DLC1: variants seen among roughly 807,000 people sequenced by gnomAD.
DLC1 encodes DLC1 Rho GTPase activating protein, also known as rho GTPase-activating protein 7.
In DLC1, 54 loss-of-function variants were observed where a neutral mutation model predicts 140.3. The observed-to-expected ratio is 0.38, with a 90% CI of 0.31 to 0.48. The LOEUF is 0.48. DLC1 is among the 20% of genes least tolerant of loss of function. The pLI is 0.96. For missense variants in DLC1, 2,536 were observed against 1,907.0 expected, an observed-to-expected ratio of 1.33 and a Z score of -6.14; for synonymous variants, 986 against 728.1, an observed-to-expected ratio of 1.35 and a Z score of -5.70.
At chr8:13,231,562 G>T (rs1376296236) in intron 5 of DLC1, among the ~76,000 whole-genome samples, 1 of 152,188 alleles carries the variant, frequency 6.6e-6, no homozygotes, top group African/African-American at 2.4e-5. Flanking sequence ...GACAAGCAAA[G>T]AGTTGAACTT....
rs180863944 is a variant in DLC1, at chr8:13,276,084, C to T, written c.1348+29185G>A. 2.2e-3 allele frequency among the ~76,000 whole-genome samples: 338 copies of T among 152,354 alleles called. 3 individuals are homozygous for T. Among genetic ancestry groups the T allele is most frequent in the African/African-American group, 7.6e-3 (314 of 41,582 alleles). ...AAACAAACACACAAAAATCTCAACA[C>T]TCCATCAAGGTTAAATACTAGAGAA... On this transcript the variant is annotated intron_variant, in intron 5 of 17. Coordinates refer to ENST00000276297, the MANE Select transcript of DLC1 (RefSeq NM_182643.3).
chr8:13,497,695 A>G (rs1402292955), intron 2 of DLC1, among the ~76,000 whole-genome samples: 2 of 152,168 alleles, frequency 1.3e-5, no homozygotes, highest in Non-Finnish European at 2.9e-5. Flanking sequence ...GTCAGTTAAT[A>G]CTGTCTTATG....
chr8:13,319,043 G>A (rs1052046344), intron 4 of DLC1, among the ~76,000 whole-genome samples: 2 of 152,182 alleles, frequency 1.3e-5, no homozygotes, highest in African/African-American at 4.8e-5. Flanking sequence ...GCTGGCTTTT[G>A]CAGACCTGGA....
intron 5 of DLC1, among the ~76,000 whole-genome samples, chr8:13,119,980 A>T (rs1441483894): frequency 1.3e-5 from 1 of 74,532 alleles, no homozygotes; most frequent in Non-Finnish European, 4.5e-5. Flanking sequence ...TGCCATAGTG[A>T]GAGAAGGAAC....
At chr8:13,601,223 C>G (rs1261320441) in intron 1 of DLC1, among the ~76,000 whole-genome samples, 1 of 151,762 alleles carries the variant, frequency 6.6e-6, no homozygotes, top group Non-Finnish European at 1.5e-5. Flanking sequence ...GTTAGCTTTT[C>G]TCTAGGTCTT....
chr8:13,529,219 C>A (rs1803018233), intron 1 of DLC1, among the ~76,000 whole-genome samples: 1 of 152,022 alleles, frequency 6.6e-6, no homozygotes, highest in African/African-American at 2.4e-5. Flanking sequence ...AAAAACAGAA[C>A]AATTAAATAC....
intron 5 of DLC1, chr8:13,132,991 A>C: frequency 2.5e-6 from 4 of 1,609,732 alleles, no homozygotes; most frequent in Non-Finnish European, 3.4e-6. Context: ...CAAGCACGGC[A>C]GGCGGCGGCG....
intron 5 of DLC1, chr8:13,214,793 G>A: frequency 1.3e-6 from 1 of 779,114 alleles, no homozygotes; most frequent in South Asian, 1.3e-5. Context: ...TTCCAGGGGA[G>A]GTAAAAAGGA....
chr8:13,098,460 G>C lies in DLC1; in HGVS notation c.3106C>G (p.Leu1036Val), dbSNP rs1818696588. 2.5e-6 allele frequency: 4 copies of C among 1,614,098 alleles called. No individual in the cohort carries two copies. The highest frequency in any genetic ancestry group is 3.4e-6 in the Non-Finnish European group (4 of 1,180,040). The change falls in exon 10 of 18, where the codon CTC (leucine) becomes GTC (valine). Residue 1036 changes from leucine (L) to valine (V), a missense_variant. Leu to Val is a conservative substitution (Grantham distance 32, BLOSUM62 1). Transcript: ENST00000276297. ...TCCAGCAGGGCCGTTAGCTTTAGGA[G>C]TGAGTATTTCTGCAGCAGGTTCATC... ...AQMNLLQKYSLLKLTALLEKY... is the reference protein window; with the variant it reads ...AQMNLLQKYSVLKLTALLEKY...
In DLC1 at chr8:13,499,655, A is replaced by T; in HGVS notation, c.417T>A (p.His139Gln). 2 of 1,614,110 alleles carry T rather than the reference A, an allele frequency of 1.2e-6. No individual in the cohort carries two copies. Among genetic ancestry groups the T allele is most frequent in the Non-Finnish European group, 1.7e-6 (2 of 1,179,992 alleles). Residue 139 changes from histidine (H) to glutamine (Q), a missense_variant, in exon 2 of 18, where the codon CAT becomes CAA. Physicochemically the swap from His to Gln is conservative, Grantham distance 24 (BLOSUM62 0). Transcript: ENST00000276297. ...CTAAGGAGCCTGCTCCTTGGATCATATGTTGGCCTGATGTTTTCTGCCCTT... is the reference window on the plus strand; with the variant it reads ...CTAAGGAGCCTGCTCCTTGGATCATTTGTTGGCCTGATGTTTTCTGCCCTT... ...NTQGQKTSGQHMIQGAGSLEK... is the reference protein window; with the variant it reads ...NTQGQKTSGQQMIQGAGSLEK...
intron 1 of DLC1, among the ~76,000 whole-genome samples, chr8:13,553,202 T>TAATATA: frequency 1.2e-5 from 1 of 86,828 alleles, no homozygotes; most frequent in Non-Finnish European, 2.2e-5. Flanking sequence ...CTGCCAGCTG[T>TAATATA]CATATATATA....
In DLC1 at chr8:13,567,328, CG is replaced by C. The variant is rs1223794281; in HGVS notation, c.-126+37208del. 3.9e-6 allele frequency: 6 copies of C among 1,551,540 alleles called. No homozygotes were observed. In the African/African-American group the frequency reaches 6.8e-5, roughly 18 times the overall value. ...CACCAAACTTCCAACAGAAATCACT[CG>C]GGTATCAGATGAAGAATTGAATGCC... On this transcript the variant is annotated intron_variant, in intron 1 of 1. Transcript: ENST00000631382.
At chr8:13,265,646 T>C (rs1830654140) in intron 5 of DLC1, among the ~76,000 whole-genome samples, 1 of 152,030 alleles carries the variant, frequency 6.6e-6, no homozygotes, top group South Asian at 2.1e-4. Flanking sequence ...ATGTCCTTCA[T>C]AGGCTGTGGG....
chr8:13,450,682 A>T (rs933647555), intron 2 of DLC1, among the ~76,000 whole-genome samples: 5 of 152,160 alleles, frequency 3.3e-5, no homozygotes, highest in Non-Finnish European at 5.9e-5. Context: ...AGTTTTCATG[A>T]ATAAGTCTTG....
intron 4 of DLC1, among the ~76,000 whole-genome samples, chr8:13,352,010 A>C (rs1302409473): frequency 6.6e-6 from 1 of 152,244 alleles, no homozygotes; most frequent in Non-Finnish European, 1.5e-5. Flanking sequence ...CTGGGATTAC[A>C]GGCATGAGCC....
At chr8:13,484,015 G>T (rs1800856027) in intron 2 of DLC1, among the ~76,000 whole-genome samples, 1 of 152,152 alleles carries the variant, frequency 6.6e-6, no homozygotes, top group African/African-American at 2.4e-5. Flanking sequence ...GGGAGGCAGA[G>T]GTTGCAGTGA....
intron 5 of DLC1, chr8:13,133,049 C>A (rs1822255718): frequency 7.6e-6 from 12 of 1,568,870 alleles, no homozygotes; most frequent in Non-Finnish European, 1.0e-5. Context: ...TCGGCTTCCG[C>A]GTCGGGACCC....
intron 14 of DLC1, among the ~76,000 whole-genome samples, chr8:13,090,727 T>A (rs1817986510): frequency 6.6e-6 from 1 of 152,192 alleles, no homozygotes; most frequent in Non-Finnish European, 1.5e-5. Flanking sequence ...TGAATTACAT[T>A]GGTCAAAGCA....
chr8:13,395,125 CTT>C (rs58892759), intron 3 of DLC1, among the ~76,000 whole-genome samples: 100,048 of 144,262 alleles, frequency 0.69, 35,009 homozygotes, highest in East Asian at 0.95. Flanking sequence ...CTTTATAATT[CTT>C]TTTTTTTTTT....
Sources: gnomAD v4.1 joint callset for allele counts (sites outside exome capture counted in the v4.1 genomes callset) on GRCh38, gnomAD v4.1.1 for gene constraint, MANE v1.5 for transcripts, NCBI Gene and HGNC (gene_info 2026-07-23, HGNC 2026-07-21) for gene names.